The following PC variants were observed in gnomAD, a reference collection of about 807,000 sequenced individuals.
PC encodes pyruvate carboxylase, also known as pyruvate carboxylase, mitochondrial.
A neutral mutation model predicts 107.8 loss-of-function variants in PC; 46 were observed. The ratio of observed to expected loss-of-function variants is 0.43; its 90% CI spans 0.34 to 0.55. PC has a LOEUF of 0.55. Ranked by LOEUF, PC falls within the 20% of genes least tolerant of loss-of-function variation. The probability of loss-of-function intolerance (pLI) is 0.04; values close to 1 mark genes in which losing one functional copy is unlikely to be tolerated. For synonymous variants in PC, 662 were observed against 684.7 expected (o/e 0.97, Z 0.52); for missense variants, 1,241 against 1,643.1 (o/e 0.76, Z 4.23).
intron 3 of PC, among the ~76,000 whole-genome samples, chr11:66,936,576 ATGT>A (rs1370972426): frequency 6.6e-6 from 1 of 152,208 alleles, no homozygotes; most frequent in Non-Finnish European, 1.5e-5. Context: ...ATTCAGTAAA[ATGT>A]TGTGAAATGC....
intron 3 of PC, among the ~76,000 whole-genome samples, chr11:66,921,244 C>G (rs1002249111): frequency 6.6e-6 from 1 of 152,228 alleles, no homozygotes; most frequent in Non-Finnish European, 1.5e-5. Context: ...AAAAACACTT[C>G]TCCTTTACAT....
chr11:66,916,525 C>T (rs1040601198), intron 3 of PC, among the ~76,000 whole-genome samples: 1 of 152,216 alleles, frequency 6.6e-6, no homozygotes, highest in African/African-American at 2.4e-5. Flanking sequence ...GCTGCCAGTC[C>T]TGAGACCACA....
intron 16 of PC, 51 bp from the exon 17 acceptor site, chr11:66,851,331 A>T (rs763344244): frequency 3.8e-6 from 6 of 1,598,360 alleles, no homozygotes; most frequent in Non-Finnish European, 5.1e-6. Flanking sequence ...CTCCCTCTGA[A>T]CAGTCTTCCC....
intron 3 of PC, among the ~76,000 whole-genome samples, chr11:66,945,972 G>C (rs1354863306): frequency 6.6e-6 from 1 of 151,052 alleles, no homozygotes; most frequent in Non-Finnish European, 1.5e-5. Flanking sequence ...TGTAGTCCCA[G>C]CTACTCGGGA....
intron 12 of PC, chr11:66,859,226 C>G (rs1946089278): frequency 1.6e-6 from 2 of 1,223,852 alleles, no homozygotes; most frequent in South Asian, 1.8e-5. Context: ...CTGCTGGACT[C>G]TTGGAGGAGC....
Position 66,858,545 on chromosome 11 carries a change from C to T in PC, c.1369-5162G>A, listed in dbSNP as rs1227907087. 3.3e-6 allele frequency: 5 copies of T among 1,533,730 alleles called. No homozygotes were observed. Among genetic ancestry groups the T allele is most frequent in the African/African-American group, 2.7e-5 (2 of 72,950 alleles). ...CCCCGCCCGGCCTGGCCGGCCGCTA[C>T]TTCTGGGCAGTGCCCGAGGGCGAGT... On this transcript the variant is annotated intron_variant, in intron 12 of 22. Coordinates refer to ENST00000393960, the MANE Select transcript of PC (RefSeq NM_001040716.2). This position sits in a 1 kb window ranked among gnomAD's most constrained non-coding sequence, Gnocchi z 5.9.
intron 3 of PC, among the ~76,000 whole-genome samples, chr11:66,872,439 A>G (rs1413352021): frequency 2.0e-5 from 3 of 151,776 alleles, no homozygotes; most frequent in Non-Finnish European, 4.4e-5. Flanking sequence ...TGATCCTCCC[A>G]CCTCAGCCTC....
chr11:66,910,796 C>T (rs894362131), intron 3 of PC, among the ~76,000 whole-genome samples: 4 of 152,196 alleles, frequency 2.6e-5, no homozygotes, highest in Admixed American at 6.5e-5. Flanking sequence ...CCCAACCCAA[C>T]GCTAGTGCTG....
At chr11:66,939,147 G>A (rs979355485) in intron 3 of PC, among the ~76,000 whole-genome samples, 2 of 151,414 alleles carry the variant, frequency 1.3e-5, no homozygotes, top group Non-Finnish European at 2.9e-5. Flanking sequence ...CAACCAACTG[G>A]GGATCAAAAA....
At chr11:66,934,978 C>G (rs1305411105) in intron 3 of PC, among the ~76,000 whole-genome samples, 1 of 152,212 alleles carries the variant, frequency 6.6e-6, no homozygotes, top group Non-Finnish European at 1.5e-5. Context: ...ACTACTCTTC[C>G]ACGCTAGCCA....
intron 3 of PC, among the ~76,000 whole-genome samples, chr11:66,888,071 G>T (rs1947437574): frequency 6.6e-6 from 1 of 152,328 alleles, no homozygotes; most frequent in South Asian, 2.1e-4. Context: ...CCACCTGGAT[G>T]ATCCGGGATC....
chr11:66,956,007 AG>A (rs1949552712), intron 1 of PC, among the ~76,000 whole-genome samples: 1 of 151,866 alleles, frequency 6.6e-6, no homozygotes, highest in African/African-American at 2.4e-5. Flanking sequence ...TCCTGACCTC[AG>A]GTGATCCACC....
intron 3 of PC, among the ~76,000 whole-genome samples, chr11:66,921,527 C>T (rs1195834449): frequency 6.6e-6 from 1 of 152,054 alleles, no homozygotes; most frequent in African/African-American, 2.4e-5. Flanking sequence ...TGGAGCCATT[C>T]AGGGAAATAA....
chr11:66,943,941 C>A (rs1413832439), intron 3 of PC, among the ~76,000 whole-genome samples: 16 of 144,842 alleles, frequency 1.1e-4, no homozygotes, highest in Middle Eastern at 3.6e-3. Context: ...CACTGCCCTC[C>A]AGCCTGAGTG....
chr11:66,923,807 A>C (rs2136097094), intron 3 of PC, among the ~76,000 whole-genome samples: 1 of 149,588 alleles, frequency 6.7e-6, no homozygotes, highest in Middle Eastern at 3.5e-3. Flanking sequence ...GATGTGAGCC[A>C]CCATGCCCGG....
At position 66,850,897 on chromosome 11, in the gene PC, C is replaced by G. The variant is rs760695580; in HGVS notation, c.2250G>C (p.Thr750=). Residue 750 remains threonine (T), a synonymous_variant, in exon 18 of 23, where the codon ACG becomes ACC. Coordinates refer to ENST00000393960, the MANE Select transcript of PC (RefSeq NM_001040716.2). The stretch of plus-strand genomic sequence containing the variant: ...GGGAGCTGACCAGCATGGTGCAGGC[C>G]GTGGGCTTCAGCAGCCCGGCCATGT... ...IKDMAGLLKP[T]ACTMLVSSLR... The G allele has an allele frequency of 6.2e-7, 1 of 1,610,196 alleles. No individual in the cohort carries two copies. The highest frequency in any genetic ancestry group is 8.5e-7 in the Non-Finnish European group (1 of 1,179,944).
chr11:66,905,103 G>T (rs1222439517), intron 3 of PC, among the ~76,000 whole-genome samples: 1 of 152,230 alleles, frequency 6.6e-6, no homozygotes, highest in Non-Finnish European at 1.5e-5. Flanking sequence ...CACACTTGAG[G>T]GATGGAGGAT....
At chr11:66,943,681 A>C (rs1949205713) in intron 3 of PC, among the ~76,000 whole-genome samples, 1 of 136,652 alleles carries the variant, frequency 7.3e-6, no homozygotes, top group Admixed American at 7.7e-5. Flanking sequence ...TGAACCCGGG[A>C]AGCAGCGGAG....
intron 1 of PC, chr11:66,958,036 A>C (rs1245695489): frequency 6.9e-6 from 1 of 145,804 alleles, no homozygotes; most frequent in East Asian, 2.1e-4. Flanking sequence ...GGCAGCCCGC[A>C]GGCGGACGCT....
Sources: gnomAD v4.1 joint callset for allele counts (sites outside exome capture counted in the v4.1 genomes callset) on GRCh38, gnomAD v4.1.1 for gene constraint, Gnocchi (gnomAD v3.1) non-coding constraint, MANE v1.5 for transcripts, NCBI Gene and HGNC (gene_info 2026-07-23, HGNC 2026-07-21) for gene names.